The following CHUK variants were observed in gnomAD, a reference collection of about 807,000 sequenced individuals.
CHUK encodes inhibitor of nuclear factor kappa-B kinase subunit alpha.
Under a neutral mutation model 104.8 loss-of-function variants are expected in CHUK, and 35 were observed. The observed-to-expected ratio is 0.33, with a 90% confidence interval of 0.26 to 0.44. CHUK has a LOEUF of 0.44. Ranked by LOEUF, CHUK falls within the 20% of genes least tolerant of loss-of-function variation. The pLI, the probability that CHUK is intolerant of heterozygous loss-of-function variation, is 1.00. For synonymous variants in CHUK, 276 were observed against 291.9 expected (o/e 0.95, Z 0.56); for missense variants, 663 against 902.7 (o/e 0.73, Z 3.40).
At chr10:100,227,547 CTT>C (rs760365883) in intron 1 of CHUK, among the ~76,000 whole-genome samples, 11 of 143,280 alleles carry the variant, frequency 7.7e-5, no homozygotes, top group Admixed American at 2.1e-4. Flanking sequence ...TTGGCTCCCA[CTT>C]TTTTTTTTTT....
chr10:100,192,675 G>A, intron 19 of CHUK: 2 of 986,756 alleles, frequency 2.0e-6, no homozygotes, highest in Non-Finnish European at 1.2e-6. Flanking sequence ...CACTGGCTTT[G>A]GATACGGCAC....
At chr10:100,205,286 C>G in intron 11 of CHUK, 87 bp from the exon 12 acceptor site, 2 of 1,368,358 alleles carry the variant, frequency 1.5e-6, no homozygotes, top group Non-Finnish European at 2.1e-6. Flanking sequence ...TTGTGATTTC[C>G]TGTCCACACA....
chr10:100,227,798 C>T (rs1846138570), intron 1 of CHUK, among the ~76,000 whole-genome samples: 1 of 152,152 alleles, frequency 6.6e-6, no homozygotes, highest in African/African-American at 2.4e-5. Flanking sequence ...CCCTTTCTCC[C>T]ACCCCAAATT....
intron 4 of CHUK, 24 bp from the exon 5 acceptor site, chr10:100,220,700 T>G: frequency 6.7e-7 from 1 of 1,499,112 alleles, no homozygotes; most frequent in South Asian, 1.1e-5. Flanking sequence ...AAAATATACT[T>G]TAAAGTAACA....
rs539161357 is a variant in CHUK, at chr10:100,220,458, G to A, written c.474+130C>T. The A allele has an allele frequency of 9.7e-6, 7 of 720,676 alleles. No homozygotes were observed. In the South Asian group the frequency reaches 1.0e-4, roughly 11 times the overall value. 44.6% of individuals were successfully genotyped at this position (720,676 alleles called of 1,614,324 possible). A position where few individuals can be genotyped will look rare whatever the true frequency, so the allele number is the denominator to read the frequency against. Reference sequence around the variant, plus strand: ...ACTAAACACAAAACTACAGTTCAGTGTGGTGAGGTCTGAAATGGAAAAAGT... The same window carrying A: ...ACTAAACACAAAACTACAGTTCAGTATGGTGAGGTCTGAAATGGAAAAAGT... On this transcript the variant is annotated intron_variant, in intron 5 of 20. Transcript: ENST00000370397.
chr10:100,193,400 G>T lies in CHUK; in HGVS notation c.2006C>A (p.Ser669Tyr). ...AGGGGTTACTGCACCTTCTAGACTG[G>T]ATCCTACAAGGGACCGGGCAGAACT... ...TQSSARSLVG[S>Y]SLEGAVTPQT... The change falls in exon 19 of 21, where the codon TCC becomes TAC. Residue 669 changes from serine (S) to tyrosine (Y), a missense_variant. Ser to Tyr is a moderately radical substitution (Grantham distance 144). Coordinates refer to ENST00000370397, the MANE Select transcript of CHUK (RefSeq NM_001278.5). The T allele has an allele frequency of 6.2e-7, 1 of 1,614,036 alleles. No individual in the cohort carries two copies. The highest frequency in any genetic ancestry group is 8.5e-7 in the Non-Finnish European group (1 of 1,179,938).
chr10:100,209,161 A>G (rs1233633593), intron 10 of CHUK, among the ~76,000 whole-genome samples: 1 of 152,252 alleles, frequency 6.6e-6, no homozygotes, highest in Non-Finnish European at 1.5e-5. Flanking sequence ...CTTTAGATGA[A>G]TGCAAACTTA....
chr10:100,201,269 C>T (rs900147214), intron 14 of CHUK, among the ~76,000 whole-genome samples: 3 of 152,116 alleles, frequency 2.0e-5, no homozygotes, highest in African/African-American at 4.8e-5. Context: ...AGTGTAATAA[C>T]TTAGGACCGT....
chr10:100,210,695 C>T lies in CHUK; in HGVS notation c.934-906G>A, dbSNP rs117968587. ...AGGTCTCTCTTTAAACAGGAAAAAG[C>T]ATTGTTATGCGTGGTGAGTTACCTT... On this transcript the variant is annotated intron_variant, in intron 9 of 20. Coordinates refer to ENST00000370397, the MANE Select transcript of CHUK (RefSeq NM_001278.5). 2.1e-3 allele frequency among the ~76,000 whole-genome samples: 314 copies of T among 152,296 alleles called. 8 individuals are homozygous for T. The highest frequency in any genetic ancestry group is 0.014 in the East Asian group (73 of 5,184).
rs768832811 is a variant in CHUK at position 100,194,515 on chromosome 10, G to C, written c.1736C>G (p.Ser579Cys). The change falls in exon 17 of 21, where the codon TCC becomes TGC. Residue 579 changes from serine (S) to cysteine (C), a missense_variant. Ser to Cys is a moderately radical substitution (Grantham distance 112). This residue lies in a region of CHUK where 311 missense variants were observed against 393.4 expected (regional missense o/e 0.79). Transcript: ENST00000370397. ...CACCATCTCTGTGCTGTCACTGTAG[G>C]AGTGATCTATAAAAGACATCAGTCA... ...KQLKHRPSDHSYSDSTEMVKI... is the reference protein window; with the variant it reads ...KQLKHRPSDHCYSDSTEMVKI... 1 of 1,606,764 alleles carries C rather than the reference G, an allele frequency of 6.2e-7. No individual in the cohort carries two copies. The highest frequency in any genetic ancestry group is 1.1e-5 in the South Asian group (1 of 90,810).
intron 8 of CHUK, 56 bp from the exon 9 acceptor site, chr10:100,218,186 T>C: frequency 6.7e-7 from 1 of 1,485,912 alleles, no homozygotes; most frequent in Non-Finnish European, 9.4e-7. Flanking sequence ...AATTTCCCTT[T>C]ATACTGTTAG....
At chr10:100,202,234 A>G in intron 13 of CHUK, 85 bp from the exon 14 acceptor site, 1 of 877,780 alleles carries the variant, frequency 1.1e-6, no homozygotes, top group Non-Finnish European at 1.9e-6. Flanking sequence ...TATCAACATC[A>G]AAGATGTGTT....
At chr10:100,186,423 A>C, downstream of CHUK, 2 of 183,518 alleles carry the variant, frequency 1.1e-5, no homozygotes, top group African/African-American at 2.3e-5. Flanking sequence ...GGAGCAACTA[A>C]ACTTGTTGCA....
chr10:100,213,420 A>G (rs993724804), intron 9 of CHUK, among the ~76,000 whole-genome samples: 1 of 152,054 alleles, frequency 6.6e-6, no homozygotes, highest in Non-Finnish European at 1.5e-5. Flanking sequence ...TGGGAGGTGA[A>G]AGTTGCAGTG....
intron 2 of CHUK, among the ~76,000 whole-genome samples, chr10:100,224,045 A>T (rs894827077): frequency 6.6e-6 from 1 of 152,140 alleles, no homozygotes; most frequent in Non-Finnish European, 1.5e-5. Flanking sequence ...CCAAGTAAAG[A>T]TCATAAAAGA....
At chr10:100,208,758 C>T (rs1845650111) in intron 10 of CHUK, among the ~76,000 whole-genome samples, 1 of 141,484 alleles carries the variant, frequency 7.1e-6, no homozygotes, top group Non-Finnish European at 1.5e-5. Context: ...TGCACTTCAG[C>T]CTGGGCAACA....
Position 100,221,523 on chromosome 10 carries a change from T to A in CHUK, c.385+589A>T, listed in dbSNP as rs79646105. ...GTAAACAAAATTACTATGTCAATGG[T>A]AGGGGGGGAGAGAAATTGAGTAAGG... On this transcript the variant is annotated intron_variant, in intron 4 of 20. Transcript: ENST00000370397. Among the ~76,000 whole-genome samples the A allele has an allele frequency of 7.1e-3, 1,077 of 152,078 alleles. 9 individuals carry two copies. Among genetic ancestry groups the A allele is most frequent in the African/African-American group, 0.023 (939 of 41,466 alleles).
At position 100,215,461 on chromosome 10, in the gene CHUK, G is replaced by A. The variant is rs565076838; in HGVS notation, c.933+2534C>T. Among the ~76,000 whole-genome samples the A allele has an allele frequency of 1.5e-3, 228 of 151,934 alleles. 2 individuals are homozygous for A. Among genetic ancestry groups the A allele is most frequent in the African/African-American group, 5.3e-3 (220 of 41,446 alleles). The stretch of plus-strand genomic sequence containing the variant: ...CCTAATAAAAGAAAGGAAATGTAAT[G>A]GAAAAAGAGAGAACCAAGAAGAGAC... On this transcript the variant is annotated intron_variant, in intron 9 of 20. Transcript: ENST00000370397.
At chr10:100,199,067 G>A (rs191813132) in intron 16 of CHUK, among the ~76,000 whole-genome samples, 1 of 152,308 alleles carries the variant, frequency 6.6e-6, no homozygotes, top group East Asian at 1.9e-4. Flanking sequence ...AGATTTGCCT[G>A]AGGTAACGGT....
Sources: allele counts gnomAD v4.1 joint callset (sites outside exome capture counted in the v4.1 genomes callset), GRCh38; gene constraint gnomAD v4.1.1; regional missense constraint gnomAD v4.1.1; transcripts MANE v1.5; gene names NCBI Gene and HGNC (gene_info 2026-07-23, HGNC 2026-07-21).